The following PGF variants were observed in gnomAD, a reference collection of about 807,000 sequenced individuals.
The protein encoded by PGF is placental growth factor.
A neutral mutation model predicts 25.3 loss-of-function variants in PGF; 11 were observed. The observed-to-expected ratio is 0.43, with a 90% CI of 0.27 to 0.72. The LOEUF (loss-of-function observed/expected upper bound fraction) is 0.72. Among genes scored for constraint, PGF ranks in the 30% least tolerant of loss-of-function variants. The pLI, the probability that PGF is intolerant of heterozygous loss-of-function variation, is 0.18. For synonymous variants in PGF, 105 were observed against 97.9 expected (o/e 1.07, Z -0.43); for missense variants, 230 against 234.9 (o/e 0.98, Z 0.14).
chr14:74,949,681 T>C, intron 2 of PGF, 128 bp from the exon 3 acceptor site: 2 of 626,596 alleles, frequency 3.2e-6, no homozygotes, highest in South Asian at 2.5e-5. Context: ...CCCTCAACTC[T>C]GAACTCCTAA....
intron 4 of PGF, chr14:74,947,041 G>T (rs2140403930): frequency 1.7e-6 from 1 of 581,520 alleles, no homozygotes; most frequent in South Asian, 2.2e-5. Flanking sequence ...AGTGGGTAGA[G>T]ACATGGGACA....
At position 74,942,740 on chromosome 14, in the gene PGF, G is replaced by C. The variant is rs1888632626; in HGVS notation, c.486-7C>G. On this transcript the variant is annotated splice_polypyrimidine_tract_variant and splice_region_variant and intron_variant, in intron 6 of 6. Coordinates refer to ENST00000555567, the MANE Select transcript of PGF (RefSeq NM_002632.6). ...GGGAACAGCATCGCCGCACCTGCCAGAGACCAAGCACAGACGGGGCGGGTA... is the reference window on the plus strand; with the variant it reads ...GGGAACAGCATCGCCGCACCTGCCACAGACCAAGCACAGACGGGGCGGGTA... The C allele has an allele frequency of 1.2e-6, 2 of 1,609,916 alleles. No homozygotes were observed. The highest frequency in any genetic ancestry group is 8.5e-7 in the Non-Finnish European group (1 of 1,178,416).
At chr14:74,952,275 G>A (rs1194536603) in intron 2 of PGF, among the ~76,000 whole-genome samples, 1 of 152,222 alleles carries the variant, frequency 6.6e-6, no homozygotes, top group Non-Finnish European at 1.5e-5. Context: ...CTGGCCACCA[G>A]CCCAAGCCCA....
intron 1 of PGF, 154 bp from the exon 2 acceptor site, chr14:74,954,100 A>G: frequency 1.5e-6 from 1 of 683,308 alleles, no homozygotes; most frequent in Non-Finnish European, 2.6e-6. Flanking sequence ...GAGTACCACT[A>G]AAAACTCACT....
chr14:74,942,489 T>G lies in PGF; in HGVS notation c.*217A>C, dbSNP rs1000459970. On this transcript the variant is annotated 3_prime_UTR_variant, in exon 7 of 7. Transcript: ENST00000555567. Reference sequence around the variant, plus strand: ...CTTTCAAAGCGGAAGCTCCCAGGGGTCTGTGGCTGGCTTCTCTCTTTCTCT... The same window carrying G: ...CTTTCAAAGCGGAAGCTCCCAGGGGGCTGTGGCTGGCTTCTCTCTTTCTCT... 1.7e-6 allele frequency: 1 copy of G among 576,158 alleles called. No homozygotes were observed. The highest frequency in any genetic ancestry group is 2.0e-5 in the African/African-American group (1 of 50,876). The allele number at this position is 576,158 out of a possible 1,614,324, so 35.7% of individuals were successfully genotyped here. A position where few individuals can be genotyped will look rare whatever the true frequency, so the allele number is the denominator to read the frequency against.
chr14:74,948,537 G>A lies in PGF; in HGVS notation c.362C>T (p.Thr121Met), dbSNP rs371087083. ...TTCGCAGCGAACGTGCTGAGAGAACGTCAGCTCCACGTAGGAGGGCCGGTC... is the reference window on the plus strand; with the variant it reads ...TTCGCAGCGAACGTGCTGAGAGAACATCAGCTCCACGTAGGAGGGCCGGTC... ...SGDRPSYVEL[T>M]FSQHVRCECR... The change falls in exon 4 of 7, where the codon ACG (threonine) becomes ATG (methionine). Residue 121 changes from threonine to methionine, a missense_variant. Physicochemically the swap from Thr to Met is moderately conservative, Grantham distance 81. Coordinates refer to ENST00000555567, the MANE Select transcript of PGF (RefSeq NM_002632.6). The A allele has an allele frequency of 3.1e-5, 50 of 1,602,418 alleles. No homozygotes were observed. Among genetic ancestry groups the A allele is most frequent in the South Asian group, 2.8e-4 (25 of 90,354 alleles).
intron 1 of PGF, among the ~76,000 whole-genome samples, chr14:74,954,680 C>T (rs547110092): frequency 8.0e-4 from 121 of 152,130 alleles, no homozygotes; most frequent in African/African-American, 2.8e-3. Flanking sequence ...CCCCTTGTCT[C>T]GTCCCCAGCC....
At chr14:74,948,408 G>T in intron 4 of PGF, 99 bp downstream of exon 4, 1 of 658,304 alleles carries the variant, frequency 1.5e-6, no homozygotes, top group Admixed American at 2.9e-5. Flanking sequence ...CCGCAGCGGG[G>T]ATGGGCAGCC....
Position 74,953,636 on chromosome 14 carries a change from G to A in PGF, c.118+268C>T, listed in dbSNP as rs1888921454. 6.6e-6 allele frequency among the ~76,000 whole-genome samples: 1 copy of A among 152,058 alleles called. No individual in the cohort carries two copies. Among genetic ancestry groups the A allele is most frequent in the Admixed American group, 6.5e-5 (1 of 15,272 alleles). On this transcript the variant is annotated intron_variant, in intron 2 of 6. Coordinates refer to ENST00000555567, the MANE Select transcript of PGF (RefSeq NM_002632.6). This position sits in a 1 kb window ranked among gnomAD's most constrained non-coding sequence, Gnocchi z 5.4. ...ATACCCTTAAATCATGCTGGGGAAGGGCTCTGAGCCAGCTGGATGAACCCT... is the reference window on the plus strand; with the variant it reads ...ATACCCTTAAATCATGCTGGGGAAGAGCTCTGAGCCAGCTGGATGAACCCT...
Position 74,953,758 on chromosome 14 carries a change from G to A in PGF, c.118+146C>T. ...ACCATGAGGGGATCTCTTAGGCCCTGCCAAAGTCATCACCCAGCATGTCTA... is the reference window on the plus strand; with the variant it reads ...ACCATGAGGGGATCTCTTAGGCCCTACCAAAGTCATCACCCAGCATGTCTA... On this transcript the variant is annotated intron_variant, in intron 2 of 6. Transcript: ENST00000555567. This position sits in a 1 kb window ranked among gnomAD's most constrained non-coding sequence, Gnocchi z 5.4. 1.2e-6 allele frequency: 1 copy of A among 832,200 alleles called. No individual in the cohort carries two copies. Among genetic ancestry groups the A allele is most frequent in the East Asian group, 2.5e-5 (1 of 40,336 alleles). The allele number at this position is 832,200 out of a possible 1,614,324, so 51.6% of individuals were successfully genotyped here.
At chr14:74,954,966 C>G (rs1162653717) in intron 1 of PGF, among the ~76,000 whole-genome samples, 1 of 151,436 alleles carries the variant, frequency 6.6e-6, no homozygotes, top group Admixed American at 6.6e-5. Context: ...CCTGCCCCCA[C>G]CAAGACAGCC....
At position 74,947,986 on chromosome 14, in the gene PGF, G is replaced by A. The variant is rs143324137; in HGVS notation, c.392+521C>T. The A allele has an allele frequency of 8.3e-4, 127 of 152,708 alleles. No individual in the cohort carries two copies. In the East Asian group the frequency reaches 0.019, roughly 22 times the overall value. 9.5% of individuals were successfully genotyped at this position (152,708 alleles called of 1,614,324 possible). A position where few individuals can be genotyped will look rare whatever the true frequency, so the allele number is the denominator to read the frequency against. On this transcript the variant is annotated intron_variant, in intron 4 of 6. Coordinates refer to ENST00000555567, the MANE Select transcript of PGF (RefSeq NM_002632.6). Reference sequence around the variant, plus strand: ...GAGGCTCTGTGGATTGGGAGGGGCCGTAGAGGGGTGCTGCAACATCAAGGA... The same window carrying A: ...GAGGCTCTGTGGATTGGGAGGGGCCATAGAGGGGTGCTGCAACATCAAGGA...
chr14:74,951,662 C>G (rs1246336744), intron 2 of PGF, among the ~76,000 whole-genome samples: 1 of 152,210 alleles, frequency 6.6e-6, no homozygotes, highest in Non-Finnish European at 1.5e-5. Context: ...TGGGCCTCGG[C>G]AGCAGAAGAA....
chr14:74,946,841 C>A, intron 4 of PGF: 1 of 756,754 alleles, frequency 1.3e-6, no homozygotes, highest in Non-Finnish European at 2.4e-6. Flanking sequence ...GGCACAGCCC[C>A]ACTCCATCCG....
chr14:74,948,470 G>A (rs759839618), intron 4 of PGF, 37 bp downstream of exon 4: 7 of 1,318,692 alleles, frequency 5.3e-6, no homozygotes, highest in South Asian at 1.2e-5. Context: ...GAGGACGGGG[G>A]CCTTTCCTTG....
chr14:74,947,674 T>G (rs1037246204), intron 4 of PGF: 2 of 152,282 alleles, frequency 1.3e-5, no homozygotes, highest in African/African-American at 4.8e-5. Flanking sequence ...TGGCATGTGG[T>G]AGGTGCTCAA....
intron 1 of PGF, among the ~76,000 whole-genome samples, chr14:74,954,419 C>T (rs1400277662): frequency 2.6e-5 from 4 of 152,102 alleles, no homozygotes; most frequent in Non-Finnish European, 5.9e-5. Flanking sequence ...AGCAGGCAGG[C>T]GGGTGGCTGG....
chr14:74,944,435 G>A (rs2140401404), intron 6 of PGF: 1 of 152,138 alleles, frequency 6.6e-6, no homozygotes. Flanking sequence ...GGATGATGGT[G>A]AGTATAACAT....
Position 74,953,793 on chromosome 14 carries a change from C to T in PGF, c.118+111G>A. Reference sequence around the variant, plus strand: ...TCACCCAGCATGTCTAGCTTGTAGGCTCTCCCCAGCTTTTATCAACCTGCA... The same window carrying T: ...TCACCCAGCATGTCTAGCTTGTAGGTTCTCCCCAGCTTTTATCAACCTGCA... On this transcript the variant is annotated intron_variant, in intron 2 of 6. Transcript: ENST00000555567. This position sits in a 1 kb window ranked among gnomAD's most constrained non-coding sequence, Gnocchi z 5.4. 2 of 1,074,868 alleles carry T rather than the reference C, an allele frequency of 1.9e-6. No individual in the cohort carries two copies. The highest frequency in any genetic ancestry group is 2.5e-5 in the South Asian group (2 of 79,502). The allele number at this position is 1,074,868 out of a possible 1,614,324, so 66.6% of individuals were successfully genotyped here.
Sources: allele counts gnomAD v4.1 joint callset (sites outside exome capture counted in the v4.1 genomes callset), GRCh38; gene constraint gnomAD v4.1.1; non-coding constraint Gnocchi (gnomAD v3.1); transcripts MANE v1.5; gene names NCBI Gene and HGNC (gene_info 2026-07-23, HGNC 2026-07-21).